Variants in ZNF462 observed in about 807,000 individuals in gnomAD.
The protein encoded by ZNF462 is zinc finger PBX1-interacting protein.
Under a neutral mutation model 201.9 loss-of-function variants are expected in ZNF462, and 10 were observed. The ratio of observed to expected loss-of-function variants is 0.05; its 90% CI spans 0.03 to 0.08. The LOEUF is 0.08. Ranked by LOEUF, ZNF462 falls within the 10% of genes least tolerant of loss-of-function variation. ZNF462 has a pLI of 1.00. For missense variants in ZNF462, 2,523 were observed against 3,168.3 expected (o/e 0.80, Z 4.89); for synonymous variants, 1,227 against 1,193.3 (o/e 1.03, Z -0.58).
intron 11 of ZNF462, among the ~76,000 whole-genome samples, chr9:107,007,092 G>T (rs1277916999): frequency 1.3e-5 from 2 of 152,132 alleles, no homozygotes; most frequent in Admixed American, 1.3e-4. Flanking sequence ...ACGCTCTGTG[G>T]CCTTGCCTTT....
chr9:106,940,595 G>A (rs768529956), intron 7 of ZNF462, among the ~76,000 whole-genome samples: 27 of 152,182 alleles, frequency 1.8e-4, no homozygotes, highest in Admixed American at 1.3e-3. Flanking sequence ...ATCATTTATA[G>A]TGTTCAACAC....
intron 1 of ZNF462, among the ~76,000 whole-genome samples, chr9:106,909,488 A>C (rs548574278): frequency 2.6e-5 from 4 of 152,148 alleles, no homozygotes; most frequent in South Asian, 4.1e-4. Flanking sequence ...TATTCTTGAG[A>C]TCTTGATTTT....
Position 106,917,439 on chromosome 9 carries a change from C to A in ZNF462, c.-30-5915C>A, listed in dbSNP as rs1829818963. On this transcript the variant is annotated intron_variant, in intron 1 of 12. Transcript: ENST00000277225. This position sits in a 1 kb window ranked among gnomAD's most constrained non-coding sequence, Gnocchi z 4.5. ...TTATATACAAGGTCCCACAGATGGA[C>A]CAGGCCAACTGTATACAACAGAGGC... Among the ~76,000 whole-genome samples the A allele has an allele frequency of 4.6e-5, 7 of 152,322 alleles. No individual in the cohort carries two copies. The South Asian group carries it at 1.5e-3, about 32-fold the overall frequency.
intron 8 of ZNF462, among the ~76,000 whole-genome samples, chr9:106,973,717 C>T (rs1231756588): frequency 1.8e-5 from 2 of 113,256 alleles, no homozygotes; most frequent in African/African-American, 7.2e-5. Context: ...AACTTGTCCT[C>T]CCCCCCTTAC....
rs745805945 is a variant in ZNF462, at chr9:106,972,302, A to G, written c.6695+30A>G. On this transcript the variant is annotated intron_variant, in intron 8 of 12. Transcript: ENST00000277225. The surrounding 1 kb of genome is among the most constrained non-coding windows in gnomAD (Gnocchi z 4.8). ...GTGACGTAATGAACAGCTATGGAAA[A>G]CAAGGCGGCCGCCCCTGCTCCACCC... The G allele has an allele frequency of 1.3e-6, 2 of 1,597,614 alleles. No homozygotes were observed. The highest frequency in any genetic ancestry group is 1.3e-5 in the African/African-American group (1 of 74,524).
Position 106,950,983 on chromosome 9 carries a change from C to T in ZNF462, c.6427+11876C>T, listed in dbSNP as rs984187308. Among the ~76,000 whole-genome samples the T allele has an allele frequency of 3.3e-5, 5 of 151,532 alleles. No homozygotes were observed. Among genetic ancestry groups the T allele is most frequent in the African/African-American group, 1.2e-4 (5 of 41,190 alleles). On this transcript the variant is annotated intron_variant, in intron 7 of 12. Coordinates refer to ENST00000277225, the MANE Select transcript of ZNF462 (RefSeq NM_021224.6). The surrounding 1 kb of genome is among the most constrained non-coding windows in gnomAD (Gnocchi z 4.1). ...CGAGCGCCTGTAATTCCAGCCACTC[C>T]GGAGGCTGAGGTGGGAGAATTGCTT...
In ZNF462 at chr9:106,927,570, A is replaced by G; in HGVS notation, c.3658A>G (p.Lys1220Glu). The G allele has an allele frequency of 6.2e-7, 1 of 1,613,934 alleles. No homozygotes were observed. Among genetic ancestry groups the G allele is most frequent in the Non-Finnish European group, 8.5e-7 (1 of 1,179,940 alleles). ...TTATCAGAAGAAGCACCGAGACTTC[A>G]AGGCCAATGCAGATGTGATCCGGCA... ...IHYQKKHRDF[K>E]ANADVIRQHT... Residue 1220 changes from lysine (K) to glutamate (E), a missense_variant, in exon 3 of 13, where the codon AAG becomes GAG. By Grantham distance (56) the Lys-to-Glu change is moderately conservative. This residue lies in a region of ZNF462 where 222 missense variants were observed against 271.6 expected (regional missense o/e 0.82). Transcript: ENST00000277225.
chr9:107,003,237 G>T lies in ZNF462; in HGVS notation c.7057-57G>T. On this transcript the variant is annotated intron_variant, in intron 10 of 12. Transcript: ENST00000277225. The surrounding 1 kb of genome is among the most constrained non-coding windows in gnomAD (Gnocchi z 4.4). ...ATGTTAGAAAGATCTCTCCATCAGGGAGAACCCCATTTGGTCTGCGGTTTA... is the reference window on the plus strand; with the variant it reads ...ATGTTAGAAAGATCTCTCCATCAGGTAGAACCCCATTTGGTCTGCGGTTTA... The T allele has an allele frequency of 1.9e-6, 3 of 1,600,088 alleles. No individual in the cohort carries two copies. The East Asian group carries it at 6.7e-5, about 36-fold the overall frequency.
At position 106,971,995 on chromosome 9, in the gene ZNF462, C is replaced by G. The variant is rs1466390043; in HGVS notation, c.6428-10C>G. Reference sequence around the variant, plus strand: ...CTGTGCCCCGTGTCATTTTTCCCGTCTCTTCACAGACTCATCATATTCAGA... The same window carrying G: ...CTGTGCCCCGTGTCATTTTTCCCGTGTCTTCACAGACTCATCATATTCAGA... On this transcript the variant is annotated splice_polypyrimidine_tract_variant and intron_variant, in intron 7 of 12. Transcript: ENST00000277225. 1 of 1,604,276 alleles carries G rather than the reference C, an allele frequency of 6.2e-7. No homozygotes were observed. Among genetic ancestry groups the G allele is most frequent in the African/African-American group, 1.3e-5 (1 of 74,606 alleles).
At chr9:106,948,416 A>G (rs1466887061) in intron 7 of ZNF462, among the ~76,000 whole-genome samples, 3 of 152,220 alleles carry the variant, frequency 2.0e-5, no homozygotes, top group Non-Finnish European at 2.9e-5. Context: ...GGAATGTGCA[A>G]TGAAATCAGT....
Position 106,927,685 on chromosome 9 carries a change from A to G in ZNF462, c.3773A>G (p.Asp1258Gly), listed in dbSNP as rs768556179. The change falls in exon 3 of 13, where the codon GAC (aspartate) becomes GGC (glycine). Residue 1258 changes from aspartate to glycine, a missense_variant. This residue lies in a region of ZNF462 where 222 missense variants were observed against 271.6 expected (regional missense o/e 0.82). Transcript: ENST00000277225. ...VLVSPSNLER[D>G]KTKLRALKCR... ...GTCTCCCCCTCTAATCTGGAGCGGG[A>G]CAAAACGAAACTCCGAGCACTCAAA... 34 of 1,613,956 alleles carry G rather than the reference A, an allele frequency of 2.1e-5. No homozygotes were observed. Among genetic ancestry groups the G allele is most frequent in the Non-Finnish European group, 2.6e-5 (31 of 1,180,030 alleles).
At chr9:106,900,258 C>T (rs1829007947) in intron 1 of ZNF462, among the ~76,000 whole-genome samples, 1 of 143,682 alleles carries the variant, frequency 7.0e-6, no homozygotes, top group Non-Finnish European at 1.5e-5. Flanking sequence ...GTGTGTATCT[C>T]ACAGTTTTTT....
intron 5 of ZNF462, among the ~76,000 whole-genome samples, chr9:106,934,094 C>G (rs1243453213): frequency 6.6e-6 from 1 of 152,042 alleles, no homozygotes; most frequent in Non-Finnish European, 1.5e-5. Context: ...ATATACCAGG[C>G]ACTGTACTAA....
intron 9 of ZNF462, among the ~76,000 whole-genome samples, chr9:106,982,745 T>A (rs567324328): frequency 3.9e-5 from 6 of 152,298 alleles, no homozygotes; most frequent in African/African-American, 1.4e-4. Context: ...GCGGGCCGAT[T>A]AATCGCTGCC....
chr9:106,864,047 T>C (rs934995749), intron 1 of ZNF462, among the ~76,000 whole-genome samples: 43 of 36,408 alleles, frequency 1.2e-3, no homozygotes, highest in Middle Eastern at 8.2e-3. Context: ...TGGCTCTCTC[T>C]CTCTCTCTCT....
At position 106,891,163 on chromosome 9, in the gene ZNF462, A is replaced by G. The variant is rs762424486; in HGVS notation, c.-31+27808A>G. 3.3e-5 allele frequency among the ~76,000 whole-genome samples: 5 copies of G among 152,222 alleles called. 1 individual carries two copies. Among genetic ancestry groups the G allele is most frequent in the Admixed American group, 2.0e-4 (3 of 15,286 alleles). On this transcript the variant is annotated intron_variant, in intron 1 of 12. Transcript: ENST00000277225. ...GTTCTTCCTGGAACAAAAGTACTGA[A>G]TAAATAACAACAAGAGACAAAAAAG...
In ZNF462 at chr9:106,905,341, G is replaced by A. The variant is rs1036480603; in HGVS notation, c.-30-18013G>A. Among the ~76,000 whole-genome samples, 7 of 152,062 alleles carry A rather than the reference G, an allele frequency of 4.6e-5. No individual in the cohort carries two copies. The highest frequency in any genetic ancestry group is 2.0e-4 in the Admixed American group (3 of 15,280). On this transcript the variant is annotated intron_variant, in intron 1 of 12. Transcript: ENST00000277225. This position sits in a 1 kb window ranked among gnomAD's most constrained non-coding sequence, Gnocchi z 5.9. Reference sequence around the variant, plus strand: ...GGTGGAGGTGGCAGAGTGTGCAATGGACTCTCTGAGGGTCCTTAGCTTTGG... The same window carrying A: ...GGTGGAGGTGGCAGAGTGTGCAATGAACTCTCTGAGGGTCCTTAGCTTTGG...
rs376244903 is a variant in ZNF462, at chr9:106,984,449, G to C, written c.7056+40G>C. 10 of 1,545,322 alleles carry C rather than the reference G, an allele frequency of 6.5e-6. No individual in the cohort carries two copies. In the African/African-American group the frequency reaches 1.4e-4, roughly 21 times the overall value. On this transcript the variant is annotated intron_variant, in intron 10 of 12. Transcript: ENST00000277225. The surrounding 1 kb of genome is among the most constrained non-coding windows in gnomAD (Gnocchi z 6.4). ...TTCCTGCTCCCGCCTCAGCACACTTGTGGGGAGGGGCCAAGGGGGAGACAC... is the reference window on the plus strand; with the variant it reads ...TTCCTGCTCCCGCCTCAGCACACTTCTGGGGAGGGGCCAAGGGGGAGACAC...
At chr9:106,952,375 A>G (rs1365079697) in intron 7 of ZNF462, among the ~76,000 whole-genome samples, 1 of 152,236 alleles carries the variant, frequency 6.6e-6, no homozygotes, top group African/African-American at 2.4e-5. Flanking sequence ...AAAATACTAT[A>G]GTAGAAGCAA....
Sources: gnomAD v4.1 joint callset for allele counts (sites outside exome capture counted in the v4.1 genomes callset) on GRCh38, gnomAD v4.1.1 for gene constraint, gnomAD v4.1.1 regional missense constraint, Gnocchi (gnomAD v3.1) non-coding constraint, MANE v1.5 for transcripts, NCBI Gene and HGNC (gene_info 2026-07-23, HGNC 2026-07-21) for gene names.